C6orf132: variants seen among roughly 807,000 people sequenced by gnomAD.
C6orf132 encodes the protein uncharacterized protein C6orf132.
Under a neutral mutation model 65.3 loss-of-function variants are expected in C6orf132, and 43 were observed. The ratio of observed to expected loss-of-function variants is 0.66; its 90% confidence interval spans 0.52 to 0.85. The LOEUF (loss-of-function observed/expected upper bound fraction) is 0.85, where lower values mean the gene tolerates loss of function less well. Ranked by LOEUF, C6orf132 falls within the 40% of genes least tolerant of loss-of-function variation. C6orf132 has a pLI of 0.00. For synonymous variants in C6orf132, 631 were observed against 654.1 expected, an observed-to-expected ratio of 0.96 and a Z score of 0.54; for missense variants, 1,488 against 1,548.8, an observed-to-expected ratio of 0.96 and a Z score of 0.66.
chr6:42,127,777 A>C (rs1281663809), intron 2 of C6orf132, among the ~76,000 whole-genome samples: 1 of 152,236 alleles, frequency 6.6e-6, no homozygotes, highest in Non-Finnish European at 1.5e-5. Context: ...GGCCACAAGC[A>C]GCCGTTGAGC....
Position 42,105,108 on chromosome 6 carries a change from C to G in C6orf132, c.2804G>C (p.Trp935Ser), listed in dbSNP as rs1257190758. ...EGTELSRRHN[W>S]TKPEPQAPVA... is the part of the protein sequence containing the mutation. Reference sequence around the variant, plus strand: ...AGGGGCCTGGGGCTCTGGCTTTGTCCAGTTGTGCCTGCGGCTCAGCTCTGT... The same window carrying G: ...AGGGGCCTGGGGCTCTGGCTTTGTCGAGTTGTGCCTGCGGCTCAGCTCTGT... Residue 935 changes from tryptophan to serine, a missense_variant, in exon 4 of 5, where the codon TGG becomes TCG. Transcript: ENST00000341865. 6.5e-7 allele frequency: 1 copy of G among 1,537,006 alleles called. No individual in the cohort carries two copies. Among genetic ancestry groups the G allele is most frequent in the South Asian group, 1.2e-5 (1 of 84,054 alleles).
chr6:42,117,318 A>AT (rs1395327247), intron 2 of C6orf132, among the ~76,000 whole-genome samples: 1 of 152,186 alleles, frequency 6.6e-6, no homozygotes, highest in Non-Finnish European at 1.5e-5. Flanking sequence ...TATTTTATAG[A>AT]TGAGAAAACT....
intron 2 of C6orf132, among the ~76,000 whole-genome samples, chr6:42,123,427 GAGAAGGAGAAGGAGA>G (rs1562038641): frequency 1.4e-5 from 2 of 144,642 alleles, no homozygotes; most frequent in African/African-American, 5.3e-5. Flanking sequence ...AAGAAGAAAG[GAGAAGGAGAAGGAGA>G]AGAAGGAGAA....
chr6:42,128,724 G>A lies in C6orf132; in HGVS notation c.200C>T (p.Ala67Val). 2 of 1,551,536 alleles carry A rather than the reference G, an allele frequency of 1.3e-6. No individual in the cohort carries two copies. Among genetic ancestry groups the A allele is most frequent in the East Asian group, 4.9e-5 (2 of 40,916 alleles). ...GACTCTTGGCCGAGCTTTCAGCGTG[G>A]CTGTTCCTGACTCGCTCACTGTGTT... ...RFNTVSESGT[A>V]TLKARPRVRP... The change falls in exon 2 of 5, where the codon GCC becomes GTC. Residue 67 changes from alanine (A) to valine (V), a missense_variant. Physicochemically the swap from Ala to Val is moderately conservative, Grantham distance 64 (BLOSUM62 0). Transcript: ENST00000341865.
At position 42,106,902 on chromosome 6, in the gene C6orf132, C is replaced by T. The variant is rs1213909019; in HGVS notation, c.1010G>A (p.Arg337Gln). 2.1e-5 allele frequency: 32 copies of T among 1,534,816 alleles called. No homozygotes were observed. Among genetic ancestry groups the T allele is most frequent in the South Asian group, 4.8e-5 (4 of 83,934 alleles). Residue 337 changes from arginine to glutamine, a missense_variant, in exon 4 of 5, where the codon CGA (arginine) becomes CAA (glutamine). Coordinates refer to ENST00000341865, the MANE Select transcript of C6orf132 (RefSeq NM_001164446.3). ...EEGATKKAPS[R>Q]LPLPPSFHIR... Reference sequence around the variant, plus strand: ...GTGGAAGCTGGGAGGCAGTGGGAGTCGGCTGGGAGCCTTCTTGGTGGCCCC... The same window carrying T: ...GTGGAAGCTGGGAGGCAGTGGGAGTTGGCTGGGAGCCTTCTTGGTGGCCCC...
chr6:42,111,941 G>C (rs1478049764), intron 2 of C6orf132, among the ~76,000 whole-genome samples: 3 of 152,008 alleles, frequency 2.0e-5, no homozygotes, highest in African/African-American at 7.3e-5. Context: ...CAATGACCTG[G>C]CCTCATGCTT....
intron 1 of C6orf132, among the ~76,000 whole-genome samples, chr6:42,140,058 C>T (rs981539530): frequency 2.6e-5 from 4 of 152,240 alleles, no homozygotes; most frequent in Non-Finnish European, 4.4e-5. Flanking sequence ...ACTTCTGCCA[C>T]GCCCAGTGGC....
chr6:42,136,534 C>T (rs755671170), intron 1 of C6orf132, among the ~76,000 whole-genome samples: 4 of 152,120 alleles, frequency 2.6e-5, no homozygotes, highest in Admixed American at 6.5e-5. Context: ...TCTCCCTCAC[C>T]GTAGATATAG....
chr6:42,103,498 G>C lies in C6orf132; in HGVS notation c.*263C>G. On this transcript the variant is annotated 3_prime_UTR_variant, in exon 5 of 5. Transcript: ENST00000341865. ...AAACTCAGCGCCCAGGTCCTTAATG[G>C]TTCCTTCTCTCTACCCTCCTTCCCC... 1 of 390,090 alleles carries C rather than the reference G, an allele frequency of 2.6e-6. No individual in the cohort carries two copies. Among genetic ancestry groups the C allele is most frequent in the Non-Finnish European group, 4.5e-6 (1 of 221,414 alleles). 24.2% of individuals were successfully genotyped at this position (390,090 alleles called of 1,614,324 possible).
chr6:42,104,858 TGAG>T lies in C6orf132; in HGVS notation c.3051_3053del (p.Tyr1017_Ser1018delinsTer). 6.9e-7 allele frequency: 1 copy of T among 1,451,074 alleles called. No homozygotes were observed. The highest frequency in any genetic ancestry group is 9.0e-7 in the Non-Finnish European group (1 of 1,107,006). The allele number at this position is 1,451,074 out of a possible 1,614,324, so 89.9% of individuals were successfully genotyped here. On this transcript the variant is annotated stop_gained and inframe_deletion, in exon 4 of 5. Transcript: ENST00000341865. LOFTEE classifies it high-confidence loss of function. This position sits in a 1 kb window ranked among gnomAD's most constrained non-coding sequence, Gnocchi z 4.1. ...CAGCGTTCGGGAGCTGCCTCAAGTC[TGAG>T]TAGTTGTTCCGGGGAGGGGAGCTCT...
At chr6:42,134,589 C>A (rs1582285309) in intron 1 of C6orf132, among the ~76,000 whole-genome samples, 2 of 152,182 alleles carry the variant, frequency 1.3e-5, no homozygotes, top group South Asian at 2.1e-4. Flanking sequence ...GCCTGGCCAA[C>A]ACGGTGAAAC....
chr6:42,104,855 G>A lies in C6orf132; in HGVS notation c.3057C>T (p.Asp1019=), dbSNP rs1766364049. ...QSSPPRNNYS[D]LRQLPNAGPG... ...GGCCAGCGTTCGGGAGCTGCCTCAA[G>A]TCTGAGTAGTTGTTCCGGGGAGGGG... is the stretch of plus-strand genomic sequence containing the variant. The change falls in exon 4 of 5, where the codon GAC becomes GAT. Residue 1019 remains aspartate (D), a synonymous_variant. Coordinates refer to ENST00000341865, the MANE Select transcript of C6orf132 (RefSeq NM_001164446.3). This position sits in a 1 kb window ranked among gnomAD's most constrained non-coding sequence, Gnocchi z 4.1. The A allele has an allele frequency of 2.3e-5, 33 of 1,454,758 alleles. No individual in the cohort carries two copies. Among genetic ancestry groups the A allele is most frequent in the Non-Finnish European group, 2.7e-5 (30 of 1,109,314 alleles). 90.1% of individuals were successfully genotyped at this position (1,454,758 alleles called of 1,614,324 possible).
rs117375893 is a variant in C6orf132 at position 42,135,003 on chromosome 6, A to G, written c.146-6225T>C. On this transcript the variant is annotated intron_variant, in intron 1 of 4. Transcript: ENST00000341865. ...GCAACAGAGTGAGACTCTGTCTCAA[A>G]AAAATAATAATGATAATTGGGAGGG... Among the ~76,000 whole-genome samples, 6 of 152,272 alleles carry G rather than the reference A, an allele frequency of 3.9e-5. No individual in the cohort carries two copies. In the East Asian group the frequency reaches 1.2e-3, roughly 29 times the overall value.
rs1766357983 is a variant in C6orf132 at position 42,104,666 on chromosome 6, G to A, written c.3246C>T (p.Thr1082=). The A allele has an allele frequency of 1.3e-6, 2 of 1,495,584 alleles. No individual in the cohort carries two copies. The highest frequency in any genetic ancestry group is 1.8e-6 in the Non-Finnish European group (2 of 1,131,302). 92.6% of individuals were successfully genotyped at this position (1,495,584 alleles called of 1,614,324 possible). ...AGTTGGGAGAGCTCAGGCTGCGGCC[G>A]GTGCCACCGTGGGGTAGCCCTGGGC... ...HRGPGLPHGG[T]GRSLSSPNCF... The change falls in exon 4 of 5, where the codon ACC becomes ACT. Residue 1082 remains threonine (T), a synonymous_variant. Coordinates refer to ENST00000341865, the MANE Select transcript of C6orf132 (RefSeq NM_001164446.3). This position sits in a 1 kb window ranked among gnomAD's most constrained non-coding sequence, Gnocchi z 4.1.
intron 2 of C6orf132, among the ~76,000 whole-genome samples, chr6:42,127,752 A>C (rs548343925): frequency 6.6e-6 from 1 of 152,330 alleles, no homozygotes; most frequent in South Asian, 2.1e-4. Context: ...TGGGCTGTCT[A>C]GTACAGCAGC....
intron 1 of C6orf132, 143 bp downstream of exon 1, chr6:42,142,157 C>T: frequency 3.2e-6 from 3 of 926,202 alleles, no homozygotes; most frequent in Non-Finnish European, 4.8e-6. Context: ...GCGGTGCCTC[C>T]TCCCCTGCCC....
At chr6:42,128,290 G>A (rs562199121) in intron 2 of C6orf132, among the ~76,000 whole-genome samples, 24 of 152,262 alleles carry the variant, frequency 1.6e-4, no homozygotes, top group Admixed American at 3.3e-4. Context: ...TGGGCAGGGA[G>A]CTCCTTGAGA....
intron 2 of C6orf132, among the ~76,000 whole-genome samples, chr6:42,125,379 T>C (rs1335172625): frequency 6.6e-6 from 1 of 152,132 alleles, no homozygotes; most frequent in Non-Finnish European, 1.5e-5. Flanking sequence ...GAGGGTGGCT[T>C]TGTTAACACA....
intron 2 of C6orf132, among the ~76,000 whole-genome samples, chr6:42,123,108 G>A (rs1036624039): frequency 1.3e-5 from 2 of 152,194 alleles, no homozygotes; most frequent in South Asian, 2.1e-4. Flanking sequence ...CAGGCCGGGC[G>A]CGGTGGCTCA....
Sources: allele counts gnomAD v4.1 joint callset (sites outside exome capture counted in the v4.1 genomes callset), GRCh38; gene constraint gnomAD v4.1.1; non-coding constraint Gnocchi (gnomAD v3.1); transcripts MANE v1.5; gene names NCBI Gene and HGNC (gene_info 2026-07-23, HGNC 2026-07-21).